The following PCDH15 variants were observed in gnomAD, a reference collection of about 807,000 sequenced individuals.
The protein encoded by PCDH15 is protocadherin related 15.
PCDH15 carries 129 observed loss-of-function variants against 178.5 expected under a neutral mutation model. That is an observed-to-expected ratio of 0.72 (90% CI 0.63 to 0.84). PCDH15 has a LOEUF of 0.84. PCDH15 is among the 40% of genes least tolerant of loss of function. The pLI is 0.00. For missense variants in PCDH15, 2,230 were observed against 2,099.9 expected (o/e 1.06, Z -1.21); for synonymous variants, 800 against 732.0 (o/e 1.09, Z -1.50).
intron 32 of PCDH15, among the ~76,000 whole-genome samples, chr10:53,826,078 G>A (rs2076661023): frequency 6.6e-6 from 1 of 151,302 alleles, no homozygotes; most frequent in Non-Finnish European, 1.5e-5. Context: ...GCTTGAGAGA[G>A]GTCATTAACA....
At chr10:53,899,248 T>A (rs2082167398) in intron 26 of PCDH15, among the ~76,000 whole-genome samples, 1 of 151,928 alleles carries the variant, frequency 6.6e-6, no homozygotes, top group South Asian at 2.1e-4. Context: ...ACAGTATATA[T>A]TTTCTTTAAA....
At position 55,312,548 on chromosome 10, in the gene PCDH15, C is replaced by T. The variant is rs533807036; in HGVS notation, c.-156+7051G>A. Among the ~76,000 whole-genome samples the T allele has an allele frequency of 9.2e-5, 14 of 151,766 alleles. No homozygotes were observed. In the East Asian group the frequency reaches 2.5e-3, roughly 27 times the overall value. On this transcript the variant is annotated intron_variant, in intron 1 of 5. Coordinates refer to the PCDH15 transcript ENST00000458638. ...GGCAAAATGTGAGTTTCCCATGATGCTCTCATTGAATATATAAAAGGAATA... is the reference window on the plus strand; with the variant it reads ...GGCAAAATGTGAGTTTCCCATGATGTTCTCATTGAATATATAAAAGGAATA...
At chr10:54,763,189 G>T (rs2133167985) in intron 1 of PCDH15, among the ~76,000 whole-genome samples, 1 of 152,168 alleles carries the variant, frequency 6.6e-6, no homozygotes, top group South Asian at 2.1e-4. Flanking sequence ...TAAACACAAA[G>T]GGTAATACCG....
intron 2 of PCDH15, among the ~76,000 whole-genome samples, chr10:55,468,171 G>A (rs973943601): frequency 6.6e-6 from 1 of 151,956 alleles, no homozygotes; most frequent in African/African-American, 2.4e-5. Context: ...TGTTCAAACA[G>A]CTTTATTCCT....
chr10:55,488,329 G>C (rs962606842), intron 2 of PCDH15, among the ~76,000 whole-genome samples: 18 of 151,546 alleles, frequency 1.2e-4, no homozygotes, highest in African/African-American at 4.4e-4. Context: ...TACTACTTAT[G>C]AGAGTGTCTA....
chr10:54,149,730 C>G (rs951116093), intron 14 of PCDH15, among the ~76,000 whole-genome samples: 1 of 152,092 alleles, frequency 6.6e-6, no homozygotes, highest in African/African-American at 2.4e-5. Flanking sequence ...TCCATGTTAC[C>G]AGGATCACCC....
chr10:54,655,278 G>GAGAGAGAGAC (rs1565865788), intron 2 of PCDH15, among the ~76,000 whole-genome samples: 1 of 140,594 alleles, frequency 7.1e-6, no homozygotes, highest in East Asian at 2.1e-4. Context: ...GAGAGAGAGA[G>GAGAGAGAGAC]AGAGAGAGAG....
chr10:55,324,845 C>CT (rs1317761959), intron 2 of PCDH15, among the ~76,000 whole-genome samples: 2 of 152,120 alleles, frequency 1.3e-5, no homozygotes, highest in Non-Finnish European at 2.9e-5. Context: ...CCAAAAGCTT[C>CT]TTGAGCTAAT....
chr10:55,221,699 C>T (rs1840879636), intron 1 of PCDH15, among the ~76,000 whole-genome samples: 1 of 151,990 alleles, frequency 6.6e-6, no homozygotes, highest in Non-Finnish European at 1.5e-5. Flanking sequence ...AGACAAGATA[C>T]ACAGTGACAC....
chr10:54,477,846 G>A (rs555069612), intron 3 of PCDH15, among the ~76,000 whole-genome samples: 23 of 152,166 alleles, frequency 1.5e-4, no homozygotes, highest in African/African-American at 5.3e-4. Flanking sequence ...TCCTCCCAAA[G>A]TGCTGGGATT....
intron 18 of PCDH15, among the ~76,000 whole-genome samples, chr10:54,048,707 G>C (rs752942318): frequency 6.6e-6 from 1 of 151,828 alleles, no homozygotes; most frequent in Non-Finnish European, 1.5e-5. Flanking sequence ...TTTAATTCTG[G>C]GGTCTCCATT....
At chr10:54,428,538 T>C (rs1393506209) in intron 3 of PCDH15, among the ~76,000 whole-genome samples, 2 of 152,194 alleles carry the variant, frequency 1.3e-5, no homozygotes, top group African/African-American at 4.8e-5. Flanking sequence ...GCATTGTAGG[T>C]AAGCATGTCG....
At chr10:54,997,034 T>C (rs1488513360) in intron 2 of PCDH15, among the ~76,000 whole-genome samples, 1 of 150,580 alleles carries the variant, frequency 6.6e-6, no homozygotes, top group Non-Finnish European at 1.5e-5. Context: ...GCTTGAAGCC[T>C]GGAGGTGGAG....
intron 3 of PCDH15, among the ~76,000 whole-genome samples, chr10:54,414,725 T>C (rs1954066017): frequency 2.6e-5 from 4 of 152,088 alleles, no homozygotes; most frequent in South Asian, 4.1e-4. Context: ...CAGCATTATA[T>C]AACACATGAG....
chr10:54,142,128 A>T (rs1248708123), intron 14 of PCDH15, among the ~76,000 whole-genome samples: 2 of 152,226 alleles, frequency 1.3e-5, no homozygotes, highest in Non-Finnish European at 2.9e-5. Context: ...GCAATTAGAC[A>T]TATGGAATGA....
chr10:55,200,846 G>A (rs561310962), intron 1 of PCDH15, among the ~76,000 whole-genome samples: 9 of 152,064 alleles, frequency 5.9e-5, no homozygotes, highest in African/African-American at 7.2e-5. Flanking sequence ...TAAGGTATGT[G>A]GGCTTCCCCT....
intron 1 of PCDH15, among the ~76,000 whole-genome samples, chr10:54,721,583 A>G (rs1173893989): frequency 6.6e-6 from 1 of 151,810 alleles, no homozygotes; most frequent in Non-Finnish European, 1.5e-5. Flanking sequence ...ATAAGAGACT[A>G]CTATGAACAC....
chr10:55,571,780 T>C (rs1842411025), intron 2 of PCDH15, among the ~76,000 whole-genome samples: 1 of 152,070 alleles, frequency 6.6e-6, no homozygotes, highest in Admixed American at 6.6e-5. Context: ...AGAAAGATAG[T>C]AGGGAATTGG....
At chr10:53,867,149 A>G (rs1589158731) in intron 26 of PCDH15, among the ~76,000 whole-genome samples, 1 of 151,990 alleles carries the variant, frequency 6.6e-6, no homozygotes, top group Admixed American at 6.6e-5. Context: ...CTTTCCTTTT[A>G]CCCTTACCAG....
Sources: allele counts gnomAD v4.1 joint callset (sites outside exome capture counted in the v4.1 genomes callset), GRCh38; gene constraint gnomAD v4.1.1; transcripts MANE v1.5; gene names NCBI Gene and HGNC (gene_info 2026-07-23, HGNC 2026-07-21).